The following GRIK4 variants were observed in gnomAD, a reference collection of about 807,000 sequenced individuals.
GRIK4 encodes the protein glutamate receptor ionotropic, kainate 4.
In GRIK4, 40 loss-of-function variants were observed where a neutral mutation model predicts 104.9. The ratio of observed to expected loss-of-function variants is 0.38; its 90% CI spans 0.30 to 0.50. GRIK4 has a LOEUF of 0.50. Among genes scored for constraint, GRIK4 ranks in the 20% least tolerant of loss-of-function variants. The probability of loss-of-function intolerance (pLI) is 0.93; values close to 1 mark genes in which losing one functional copy is unlikely to be tolerated. For missense variants in GRIK4, 1,047 were observed against 1,308.1 expected (o/e 0.80, Z 3.08); for synonymous variants, 485 against 524.9 (o/e 0.92, Z 1.04).
intron 1 of GRIK4, among the ~76,000 whole-genome samples, chr11:120,591,875 C>T (rs890645553): frequency 6.6e-6 from 1 of 152,204 alleles, no homozygotes; most frequent in South Asian, 2.1e-4. Context: ...TCTGTATTTG[C>T]ATCGGCACAG....
intron 3 of GRIK4, among the ~76,000 whole-genome samples, chr11:120,733,854 C>G (rs1025742487): frequency 2.9e-4 from 44 of 151,846 alleles, no homozygotes; most frequent in African/African-American, 1.0e-3. Context: ...TCTCCTGCCT[C>G]AGCCTCCTGA....
At chr11:120,749,917 G>A (rs1447354765) in intron 3 of GRIK4, among the ~76,000 whole-genome samples, 2 of 152,196 alleles carry the variant, frequency 1.3e-5, no homozygotes, top group South Asian at 2.1e-4. Flanking sequence ...TGAGTTTAGG[G>A]TTGTTTTCTA....
rs1268175816 is a variant in GRIK4 at position 120,819,253 on chromosome 11, GT to G, written c.346-499del. ...CTCTCCCTGGGCATTCCCCACTGAA[GT>G]TTGTTGGGAGCTGGTTACTATACAC... is the stretch of plus-strand genomic sequence containing the variant. On this transcript the variant is annotated intron_variant, in intron 5 of 20. Coordinates refer to ENST00000527524, the MANE Select transcript of GRIK4 (RefSeq NM_014619.5). This position sits in a 1 kb window ranked among gnomAD's most constrained non-coding sequence, Gnocchi z 4.3. Among the ~76,000 whole-genome samples the G allele has an allele frequency of 6.6e-6, 1 of 152,210 alleles. No individual in the cohort carries two copies. Among genetic ancestry groups the G allele is most frequent in the Non-Finnish European group, 1.5e-5 (1 of 68,036 alleles).
intron 5 of GRIK4, 54 bp downstream of exon 5, chr11:120,815,529 G>T: frequency 9.3e-7 from 1 of 1,077,102 alleles, no homozygotes; most frequent in South Asian, 1.6e-5. Context: ...TGTGCCCAGG[G>T]TCCAAAGATA....
intron 8 of GRIK4, among the ~76,000 whole-genome samples, chr11:120,850,050 C>A (rs1953939841): frequency 6.6e-6 from 1 of 152,192 alleles, no homozygotes; most frequent in South Asian, 2.1e-4. Flanking sequence ...ACAGCCTAGC[C>A]TCAAGAGACC....
chr11:120,772,586 G>A (rs1307864989), intron 3 of GRIK4, among the ~76,000 whole-genome samples: 1 of 152,122 alleles, frequency 6.6e-6, no homozygotes, highest in Admixed American at 6.6e-5. Flanking sequence ...GGTCAAAAAA[G>A]GAGATGGTCT....
chr11:120,555,612 T>G lies in GRIK4; in HGVS notation c.-159+43725T>G, dbSNP rs1188709980. On this transcript the variant is annotated intron_variant, in intron 1 of 20. Transcript: ENST00000527524. The surrounding 1 kb of genome is among the most constrained non-coding windows in gnomAD (Gnocchi z 5.3). The stretch of plus-strand genomic sequence containing the variant: ...ACCTACCCACTTCTGGGGAGTTTCT[T>G]ATCTGGCAAATGGGACCGAGACACA... 1.3e-5 allele frequency among the ~76,000 whole-genome samples: 2 copies of G among 152,140 alleles called. No homozygotes were observed. The highest frequency in any genetic ancestry group is 4.8e-5 in the African/African-American group (2 of 41,428).
intron 3 of GRIK4, among the ~76,000 whole-genome samples, chr11:120,757,635 A>AT (rs948379318): frequency 6.6e-6 from 1 of 151,960 alleles, no homozygotes; most frequent in Non-Finnish European, 1.5e-5. Flanking sequence ...CCTATATTTT[A>AT]TTTTTTTGGA....
At chr11:120,915,700 C>T (rs916060966) in intron 13 of GRIK4, among the ~76,000 whole-genome samples, 1 of 152,138 alleles carries the variant, frequency 6.6e-6, no homozygotes, top group Non-Finnish European at 1.5e-5. Flanking sequence ...GCTCACATGT[C>T]TTCCTAGTTC....
chr11:120,896,119 C>T (rs1057514227), intron 11 of GRIK4, among the ~76,000 whole-genome samples: 3 of 151,566 alleles, frequency 2.0e-5, no homozygotes, highest in Admixed American at 6.6e-5. Context: ...CCAGCACCTG[C>T]TGTCCTGAGC....
At chr11:120,985,291 G>T (rs368371110) in intron 20 of GRIK4, among the ~76,000 whole-genome samples, 90 of 152,196 alleles carry the variant, frequency 5.9e-4, no homozygotes, top group Middle Eastern at 3.4e-3. Flanking sequence ...AATATGAGCG[G>T]GTTTGAATTC....
chr11:120,763,456 G>C (rs1951783735), intron 3 of GRIK4, among the ~76,000 whole-genome samples: 1 of 152,120 alleles, frequency 6.6e-6, no homozygotes, highest in African/African-American at 2.4e-5. Flanking sequence ...GTTCTGCTCT[G>C]ATCTTAGTTA....
intron 14 of GRIK4, among the ~76,000 whole-genome samples, chr11:120,947,757 C>T (rs529316479): frequency 1.3e-5 from 2 of 152,308 alleles, no homozygotes; most frequent in South Asian, 2.1e-4. Context: ...CACGGCCCCT[C>T]TTCATGTGGA....
chr11:120,826,195 A>G (rs1359037240), intron 6 of GRIK4, among the ~76,000 whole-genome samples: 2 of 152,222 alleles, frequency 1.3e-5, no homozygotes, highest in Non-Finnish European at 2.9e-5. Context: ...AGAAGAAAAG[A>G]GAGATTATCT....
intron 7 of GRIK4, among the ~76,000 whole-genome samples, chr11:120,832,700 A>G (rs1407473069): frequency 2.0e-5 from 3 of 152,180 alleles, no homozygotes; most frequent in Non-Finnish European, 4.4e-5. Context: ...TTGGAGGGGC[A>G]GTGCCAGCCC....
chr11:120,882,256 C>T (rs1214081829), intron 11 of GRIK4, among the ~76,000 whole-genome samples: 1 of 152,206 alleles, frequency 6.6e-6, no homozygotes. Context: ...AGGGGGAAGG[C>T]AGCTCTGAGA....
intron 14 of GRIK4, among the ~76,000 whole-genome samples, chr11:120,951,080 G>T (rs549272931): frequency 8.5e-5 from 13 of 152,176 alleles, no homozygotes; most frequent in Admixed American, 8.5e-4. Flanking sequence ...CACGTGAGAG[G>T]TCACTGTCAT....
At chr11:120,814,675 G>A (rs763100932) in intron 4 of GRIK4, among the ~76,000 whole-genome samples, 10 of 152,278 alleles carry the variant, frequency 6.6e-5, no homozygotes, top group Non-Finnish European at 1.0e-4. Context: ...ACAGGTGAGC[G>A]AGTGTTCAGT....
rs1947686070 is a variant in GRIK4 at position 120,513,448 on chromosome 11, A to G, written c.-159+1561A>G. Among the ~76,000 whole-genome samples the G allele has an allele frequency of 1.3e-5, 2 of 152,116 alleles. No homozygotes were observed. The highest frequency in any genetic ancestry group is 2.9e-5 in the Non-Finnish European group (2 of 68,020). ...TCGAGGTCCACTGTGTTCCGGTCCC[A>G]CCAGGGATGGCAGCCCCTGGAATTC... On this transcript the variant is annotated intron_variant, in intron 1 of 20. Coordinates refer to ENST00000527524, the MANE Select transcript of GRIK4 (RefSeq NM_014619.5). The surrounding 1 kb of genome is among the most constrained non-coding windows in gnomAD (Gnocchi z 4.5).
Sources: gnomAD v4.1 joint callset for allele counts (sites outside exome capture counted in the v4.1 genomes callset) on GRCh38, gnomAD v4.1.1 for gene constraint, Gnocchi (gnomAD v3.1) non-coding constraint, MANE v1.5 for transcripts, NCBI Gene and HGNC (gene_info 2026-07-23, HGNC 2026-07-21) for gene names.